The following MALSU1 variants were observed in gnomAD, a reference collection of about 807,000 sequenced individuals.
MALSU1 encodes mitochondrial assembly of ribosomal large subunit protein 1.
Under a neutral mutation model 22.1 loss-of-function variants are expected in MALSU1, and 22 were observed. That is an observed-to-expected ratio of 1.00 (90% CI 0.71 to 1.42). The LOEUF (loss-of-function observed/expected upper bound fraction) is 1.42. MALSU1 is among the 40% of genes most tolerant of loss of function. MALSU1 has a pLI of 0.00. For missense variants in MALSU1, 379 were observed against 308.3 expected (o/e 1.23, Z -1.72); for synonymous variants, 153 against 118.5 (o/e 1.29, Z -1.89).
Position 23,299,481 on chromosome 7 carries a change from C to T in MALSU1, c.129C>T (p.Pro43=). The T allele has an allele frequency of 2.5e-6, 4 of 1,610,796 alleles. No individual in the cohort carries two copies. The highest frequency in any genetic ancestry group is 2.2e-5 in the South Asian group (2 of 91,046). Residue 43 remains proline, a synonymous_variant, in exon 1 of 4, where the codon CCC becomes CCT. Coordinates refer to ENST00000466681, the MANE Select transcript of MALSU1 (RefSeq NM_138446.2). The part of the protein sequence containing the change: ...GLRLLAVQRL[P]VGAAFCRACQ... ...GGCTGCTGGCCGTGCAGCGGCTTCC[C>T]GTAGGAGCAGCGTTCTGCCGGGCTT...
At chr7:23,299,660 A>AGTGACCCGGAAGAGCTACTTG in intron 1 of MALSU1, 52 bp downstream of exon 1, 1 of 1,521,746 alleles carries the variant, frequency 6.6e-7, no homozygotes. Context: ...GTCTGGAGTC[A>AGTGACCCGGAAGAGCTACTTG]GGTCCCAGCC....
chr7:23,304,776 G>C (rs550432058), intron 2 of MALSU1, among the ~76,000 whole-genome samples: 1 of 152,252 alleles, frequency 6.6e-6, no homozygotes, highest in East Asian at 1.9e-4. Context: ...TTTAAAATCA[G>C]GTTGTTTGTT....
At chr7:23,306,477 G>A (rs1783724613) in intron 2 of MALSU1, among the ~76,000 whole-genome samples, 1 of 150,426 alleles carries the variant, frequency 6.6e-6, no homozygotes, top group African/African-American at 2.5e-5. Flanking sequence ...TTCCAATACT[G>A]TGTTGAATAG....
chr7:23,302,080 T>C (rs1562655961), intron 2 of MALSU1, among the ~76,000 whole-genome samples: 1 of 152,258 alleles, frequency 6.6e-6, no homozygotes, highest in Non-Finnish European at 1.5e-5. Flanking sequence ...ATAAAGCATT[T>C]TCATCATTGT....
chr7:23,304,227 C>T (rs1783694888), intron 2 of MALSU1, among the ~76,000 whole-genome samples: 1 of 152,118 alleles, frequency 6.6e-6, no homozygotes, highest in Admixed American at 6.6e-5. Flanking sequence ...ACCAGCCTAG[C>T]ACAAAGCTGA....
chr7:23,309,567 C>CATTT lies in MALSU1; in HGVS notation c.*25_*28dup. ...AAAATATTTTATGCACTGCGTTAGT[C>CATTT]ATTTCAGATTTGGATTGAGTCACTT... is the stretch of plus-strand genomic sequence containing the variant. On this transcript the variant is annotated 3_prime_UTR_variant, in exon 4 of 4. Transcript: ENST00000466681. 2 of 1,548,912 alleles carry CATTT rather than the reference C, an allele frequency of 1.3e-6. No homozygotes were observed. The highest frequency in any genetic ancestry group is 3.9e-5 in the Admixed American group (2 of 51,516).
chr7:23,309,545 A>ATATTT lies in MALSU1; in HGVS notation c.*6_*10dup. ...CCAGTGGAGTTAAAATGTGAATAAA[A>ATATTT]TATTTTATGCACTGCGTTAGTCATT... On this transcript the variant is annotated 3_prime_UTR_variant, in exon 4 of 4. Coordinates refer to ENST00000466681, the MANE Select transcript of MALSU1 (RefSeq NM_138446.2). 6.3e-7 allele frequency: 1 copy of ATATTT among 1,592,428 alleles called. No individual in the cohort carries two copies. The highest frequency in any genetic ancestry group is 1.4e-5 in the African/African-American group (1 of 73,882).
chr7:23,301,967 C>CA (rs754165826), intron 2 of MALSU1, among the ~76,000 whole-genome samples: 7,732 of 97,608 alleles, frequency 0.079, 382 homozygotes, highest in African/African-American at 0.19. Flanking sequence ...GACTCTGTCT[C>CA]AAAAAAAAAA....
chr7:23,306,697 G>T lies in MALSU1; in HGVS notation c.436-1171G>T, dbSNP rs117205573. Among the ~76,000 whole-genome samples the T allele has an allele frequency of 6.0e-3, 911 of 152,256 alleles. 6 individuals carry two copies. Among genetic ancestry groups the T allele is most frequent in the Non-Finnish European group, 1.0e-2 (677 of 68,006 alleles). On this transcript the variant is annotated intron_variant, in intron 2 of 3. Transcript: ENST00000466681. Reference sequence around the variant, plus strand: ...CTGCGTCAGTTCAGATTATCATATAGATTTTTTCTTCATTCTGTTAATGTG... The same window carrying T: ...CTGCGTCAGTTCAGATTATCATATATATTTTTTCTTCATTCTGTTAATGTG...
chr7:23,308,958 G>C (rs1040291997), intron 3 of MALSU1, among the ~76,000 whole-genome samples: 29 of 152,302 alleles, frequency 1.9e-4, no homozygotes, highest in Admixed American at 1.8e-3. Context: ...TTGCCCTGGA[G>C]GGAGGCAGTA....
chr7:23,310,004 G>GT lies in MALSU1; in HGVS notation c.*462dup, dbSNP rs1198437624. The GT allele has an allele frequency of 2.7e-5, 4 of 150,606 alleles. No individual in the cohort carries two copies. The highest frequency in any genetic ancestry group is 5.9e-5 in the Non-Finnish European group (4 of 68,070). The allele number at this position is 150,606 out of a possible 1,614,324, so 9.3% of individuals were successfully genotyped here. A position where few individuals can be genotyped will look rare whatever the true frequency, so the allele number is the denominator to read the frequency against. On this transcript the variant is annotated 3_prime_UTR_variant, in exon 4 of 4. Transcript: ENST00000466681. ...TCTGTAACCCTTCCAGAATACTCCA[G>GT]TAACACAAGAAAGTAAACAAAGTGT...
chr7:23,305,966 A>G (rs1168406702), intron 2 of MALSU1, among the ~76,000 whole-genome samples: 1 of 152,206 alleles, frequency 6.6e-6, no homozygotes, highest in African/African-American at 2.4e-5. Context: ...AGGCCGAGGC[A>G]GGCAGATCAC....
rs1420455507 is a variant in MALSU1, at chr7:23,300,846, T to G, written c.264T>G (p.Thr88=). 6.2e-7 allele frequency: 1 copy of G among 1,613,604 alleles called. No individual in the cohort carries two copies. Among genetic ancestry groups the G allele is most frequent in the South Asian group, 1.1e-5 (1 of 91,048 alleles). ...ACTATTTGTGCATTTCAGATCATAC[T>G]GGTCCCAAGTTTGACATCGATATGA... The part of the protein sequence containing the change: ...GRPESDAADH[T]GPKFDIDMMV... The change falls in exon 2 of 4, where the codon ACT becomes ACG. Residue 88 remains threonine, a synonymous_variant. Coordinates refer to ENST00000466681, the MANE Select transcript of MALSU1 (RefSeq NM_138446.2).
At chr7:23,301,965 C>T (rs978812301) in intron 2 of MALSU1, among the ~76,000 whole-genome samples, 1 of 142,824 alleles carries the variant, frequency 7.0e-6, no homozygotes, top group Admixed American at 6.9e-5. Flanking sequence ...CAGACTCTGT[C>T]TCAAAAAAAA....
intron 2 of MALSU1, 121 bp from the exon 3 acceptor site, chr7:23,307,747 A>G (rs1783739963): frequency 4.5e-6 from 3 of 665,022 alleles, no homozygotes; most frequent in Admixed American, 5.5e-5. Context: ...AAAGTATAGC[A>G]ATGAGAAATG....
chr7:23,311,567 CATTTG>C lies in MALSU1; in HGVS notation c.*2029_*2033del, dbSNP rs1354596424. ...CTAGGCACTGCTCCGTATTTTTGAA[CATTTG>C]ATTTAACTAATAACTGTGTCAAAAG... On this transcript the variant is annotated 3_prime_UTR_variant, in exon 4 of 4. Coordinates refer to ENST00000466681, the MANE Select transcript of MALSU1 (RefSeq NM_138446.2). 2.6e-5 allele frequency: 4 copies of C among 152,292 alleles called. No homozygotes were observed. Among genetic ancestry groups the C allele is most frequent in the African/African-American group, 4.8e-5 (2 of 41,430 alleles). The allele number at this position is 152,292 out of a possible 1,614,324, so 9.4% of individuals were successfully genotyped here.
chr7:23,311,221 CTG>C lies in MALSU1; in HGVS notation c.*1680_*1681del, dbSNP rs1274715972. 7.2e-5 allele frequency: 11 copies of C among 152,240 alleles called. No homozygotes were observed. The highest frequency in any genetic ancestry group is 2.0e-4 in the Admixed American group (3 of 15,256). The allele number at this position is 152,240 out of a possible 1,614,324, so 9.4% of individuals were successfully genotyped here. A position where few individuals can be genotyped will look rare whatever the true frequency, so the allele number is the denominator to read the frequency against. ...TGTAGCCTTTTGTTGCGTTTAAACA[CTG>C]TCACACCATCTATGACTGTCCCATT... On this transcript the variant is annotated 3_prime_UTR_variant, in exon 4 of 4. Coordinates refer to ENST00000466681, the MANE Select transcript of MALSU1 (RefSeq NM_138446.2).
In MALSU1 at chr7:23,299,349, T is replaced by A; in HGVS notation, c.-4T>A. 2 of 1,560,962 alleles carry A rather than the reference T, an allele frequency of 1.3e-6. No individual in the cohort carries two copies. Among genetic ancestry groups the A allele is most frequent in the Non-Finnish European group, 1.7e-6 (2 of 1,159,134 alleles). On this transcript the variant is annotated 5_prime_UTR_variant, in exon 1 of 4. Coordinates refer to ENST00000466681, the MANE Select transcript of MALSU1 (RefSeq NM_138446.2). ...ACCCGCGACGCCGACGCAAGGCTGC[T>A]GCTATGGGGCCGGGCGGCCGTGTGG...
Position 23,299,567 on chromosome 7 carries a change from A to G in MALSU1, c.215A>G (p.Glu72Gly), listed in dbSNP as rs763611778. The G allele has an allele frequency of 7.5e-6, 12 of 1,607,178 alleles. No individual in the cohort carries two copies. The East Asian group carries it at 2.5e-4, about 33-fold the overall frequency. The change falls in exon 1 of 4, where the codon GAG (glutamate) becomes GGG (glycine). Residue 72 changes from glutamate (E) to glycine (G), a missense_variant. Glu to Gly is a moderately conservative substitution (Grantham distance 98). Transcript: ENST00000466681. Reference protein sequence around the residue: ...HSEPGLEERAEGTVNEGRPES... With the variant: ...HSEPGLEERAGGTVNEGRPES... ...GAGCCTGGGCTGGAGGAGCGGGCGG[A>G]GGGGACGGTCAACGAGGGACGCCCA... is the stretch of plus-strand genomic sequence containing the variant.
Sources: allele counts gnomAD v4.1 joint callset (sites outside exome capture counted in the v4.1 genomes callset), GRCh38; gene constraint gnomAD v4.1.1; transcripts MANE v1.5; gene names NCBI Gene and HGNC (gene_info 2026-07-23, HGNC 2026-07-21).